The following KCNT2 variants were observed in gnomAD, a reference collection of about 807,000 sequenced individuals.
KCNT2 encodes the protein potassium sodium-activated channel subfamily T member 2.
In KCNT2, 67 loss-of-function variants were observed where a neutral mutation model predicts 153.8. The ratio of observed to expected loss-of-function variants is 0.44; its 90% confidence interval spans 0.36 to 0.53. The LOEUF is 0.53. Ranked by LOEUF, KCNT2 falls within the 20% of genes least tolerant of loss-of-function variation. KCNT2 has a pLI of 0.00. For missense variants in KCNT2, 975 were observed against 1,354.8 expected (o/e 0.72, Z 4.40); for synonymous variants, 500 against 458.8 (o/e 1.09, Z -1.15).
chr1:196,340,953 T>TA (rs1254272379), intron 15 of KCNT2, among the ~76,000 whole-genome samples: 1 of 151,878 alleles, frequency 6.6e-6, no homozygotes, highest in African/African-American at 2.4e-5. Flanking sequence ...GAAAGAAACT[T>TA]ACCCATGGTC....
intron 14 of KCNT2, among the ~76,000 whole-genome samples, chr1:196,360,908 T>G (rs1418528291): frequency 6.6e-6 from 1 of 151,972 alleles, no homozygotes; most frequent in Non-Finnish European, 1.5e-5. Context: ...AGCAGAATAG[T>G]GCAAGGTGGG....
At chr1:196,439,421 A>G (rs191220276) in intron 8 of KCNT2, among the ~76,000 whole-genome samples, 1 of 152,108 alleles carries the variant, frequency 6.6e-6, no homozygotes, top group East Asian at 1.9e-4. Context: ...CACATACTTT[A>G]ATAATTCCAG....
intron 2 of KCNT2, 73 bp downstream of exon 2, chr1:196,492,188 CA>C: frequency 7.7e-7 from 1 of 1,297,338 alleles, no homozygotes; most frequent in Non-Finnish European, 1.0e-6. Flanking sequence ...AAGTATTTTG[CA>C]AAAGATCACA....
intron 3 of KCNT2, among the ~76,000 whole-genome samples, chr1:196,488,257 C>G (rs1026876775): frequency 6.6e-6 from 1 of 151,950 alleles, no homozygotes; most frequent in Non-Finnish European, 1.5e-5. Flanking sequence ...TAATTAGCCT[C>G]ATTATTTTAA....
At chr1:196,558,990 G>A (rs1659044851) in intron 1 of KCNT2, among the ~76,000 whole-genome samples, 1 of 151,156 alleles carries the variant, frequency 6.6e-6, no homozygotes, top group Admixed American at 6.6e-5. Flanking sequence ...ATACAAATGA[G>A]GTATGCATAA....
chr1:196,472,184 G>T (rs887257109), intron 5 of KCNT2, among the ~76,000 whole-genome samples: 5 of 152,062 alleles, frequency 3.3e-5, no homozygotes, highest in African/African-American at 9.7e-5. Context: ...TTAATATCAC[G>T]AATGAGTAAA....
chr1:196,410,195 A>G (rs114373397), intron 12 of KCNT2, among the ~76,000 whole-genome samples: 2,285 of 151,686 alleles, frequency 0.015, 64 homozygotes, highest in African/African-American at 0.052. Context: ...CTATTAAGCT[A>G]TAGAAATTCC....
At chr1:196,608,126 T>C in intron 1 of KCNT2, 89 bp downstream of exon 1, 2 of 1,197,946 alleles carry the variant, frequency 1.7e-6, no homozygotes, top group Non-Finnish European at 2.5e-6. Context: ...TCCGTTTTCC[T>C]TTTCTCCCTC....
At chr1:196,412,785 A>C (rs1672447138) in intron 12 of KCNT2, among the ~76,000 whole-genome samples, 1 of 151,778 alleles carries the variant, frequency 6.6e-6, no homozygotes, top group Admixed American at 6.6e-5. Flanking sequence ...CAATATGTTC[A>C]TAGTCATGCA....
intron 1 of KCNT2, among the ~76,000 whole-genome samples, chr1:196,554,383 G>A (rs879306295): frequency 4.6e-5 from 7 of 151,192 alleles, no homozygotes; most frequent in Non-Finnish European, 1.0e-4. Flanking sequence ...TCAACTATAT[G>A]TCAACAAGTT....
chr1:196,557,343 A>G (rs73069741), intron 1 of KCNT2, among the ~76,000 whole-genome samples: 8,200 of 151,372 alleles, frequency 0.054, 730 homozygotes, highest in African/African-American at 0.19. Flanking sequence ...GGGATGGTAC[A>G]AAATTCAACT....
At chr1:196,312,250 A>G in intron 21 of KCNT2, among the ~76,000 whole-genome samples, 1 of 151,494 alleles carries the variant, frequency 6.6e-6, no homozygotes, top group East Asian at 2.0e-4. Context: ...CGAACAGCCA[A>G]TTGCTTAGGA....
At chr1:196,303,115 C>A (rs1352636012) in intron 22 of KCNT2, among the ~76,000 whole-genome samples, 3 of 151,904 alleles carry the variant, frequency 2.0e-5, no homozygotes, top group Non-Finnish European at 4.4e-5. Context: ...CTGTCAAAAA[C>A]TTGTAACTGG....
intron 14 of KCNT2, among the ~76,000 whole-genome samples, chr1:196,364,518 A>G (rs1011239592): frequency 1.3e-5 from 2 of 152,138 alleles, no homozygotes; most frequent in Non-Finnish European, 2.9e-5. Context: ...AGATTTTGCA[A>G]AATTATTCAG....
At chr1:196,592,081 A>G (rs1207041694) in intron 1 of KCNT2, among the ~76,000 whole-genome samples, 2 of 152,102 alleles carry the variant, frequency 1.3e-5, no homozygotes, top group African/African-American at 4.8e-5. Flanking sequence ...CTTCACACCT[A>G]TGTTTGTTGC....
Position 196,543,682 on chromosome 1 carries a change from G to T in KCNT2, c.96-51341C>A, listed in dbSNP as rs368820807. On this transcript the variant is annotated intron_variant, in intron 1 of 27. Coordinates refer to ENST00000294725, the MANE Select transcript of KCNT2 (RefSeq NM_198503.5). Reference sequence around the variant, plus strand: ...ATGAATAAGGTATGTAATATTTCATGTTTTAAAAATTAAACACATTACACA... The same window carrying T: ...ATGAATAAGGTATGTAATATTTCATTTTTTAAAAATTAAACACATTACACA... 1.1e-4 allele frequency among the ~76,000 whole-genome samples: 16 copies of T among 152,050 alleles called. 1 individual carries two copies. Among genetic ancestry groups the T allele is most frequent in the Admixed American group, 6.6e-5 (1 of 15,228 alleles).
intron 27 of KCNT2, among the ~76,000 whole-genome samples, chr1:196,229,511 A>C (rs914344120): frequency 6.6e-6 from 1 of 152,116 alleles, no homozygotes; most frequent in African/African-American, 2.4e-5. Context: ...AATAACCCAA[A>C]AATGACTTGT....
chr1:196,389,619 A>G (rs1241499250), intron 13 of KCNT2, among the ~76,000 whole-genome samples: 1 of 151,696 alleles, frequency 6.6e-6, no homozygotes, highest in Non-Finnish European at 1.5e-5. Context: ...CTAAGATGTC[A>G]AACCTCAAAT....
chr1:196,379,755 A>G (rs1669317798), intron 13 of KCNT2, among the ~76,000 whole-genome samples: 1 of 152,192 alleles, frequency 6.6e-6, no homozygotes, highest in Admixed American at 6.5e-5. Context: ...CATGAGATCA[A>G]GTGGTCAAGT....
Sources: gnomAD v4.1 joint callset for allele counts (sites outside exome capture counted in the v4.1 genomes callset) on GRCh38, gnomAD v4.1.1 for gene constraint, MANE v1.5 for transcripts, NCBI Gene and HGNC (gene_info 2026-07-23, HGNC 2026-07-21) for gene names.